CIP2A: variants seen among roughly 807,000 people sequenced by gnomAD.
CIP2A encodes protein CIP2A.
In CIP2A, 103 loss-of-function variants were observed where a neutral mutation model predicts 110.9. The ratio of observed to expected loss-of-function variants is 0.93; its 90% CI spans 0.79 to 1.09. The LOEUF (loss-of-function observed/expected upper bound fraction) is 1.09, where lower values mean the gene tolerates loss of function less well. Ranked by LOEUF, CIP2A falls within the 50% of genes least tolerant of loss-of-function variation. The pLI is 0.00. For missense variants in CIP2A, 1,088 were observed against 1,038.4 expected (o/e 1.05, Z -0.66); for synonymous variants, 381 against 361.6 (o/e 1.05, Z -0.61).
chr3:108,577,200 G>C (rs1198556716), intron 7 of CIP2A, among the ~76,000 whole-genome samples: 3 of 152,172 alleles, frequency 2.0e-5, no homozygotes, highest in African/African-American at 4.8e-5. Flanking sequence ...ATAAGGTTGA[G>C]AGGTTGTTAG....
At chr3:108,569,643 C>T in intron 8 of CIP2A, 36 bp from the exon 9 acceptor site, 1 of 1,479,574 alleles carries the variant, frequency 6.8e-7, no homozygotes, top group Non-Finnish European at 9.4e-7. Flanking sequence ...ACATCAATTT[C>T]ACAGAACTTT....
intron 12 of CIP2A, 22 bp from the exon 13 acceptor site, chr3:108,563,266 A>G: frequency 2.9e-6 from 4 of 1,378,244 alleles, no homozygotes; most frequent in Non-Finnish European, 3.1e-6. Context: ...AGAAACCAAA[A>G]AAGAAGCAGC....
chr3:108,582,853 G>A (rs908325569), intron 3 of CIP2A, 124 bp downstream of exon 3: 6 of 445,776 alleles, frequency 1.3e-5, no homozygotes, highest in African/African-American at 8.1e-5. Context: ...GAGATGAACT[G>A]TGCCTAATCA....
Position 108,579,385 on chromosome 3 carries a change from T to C in CIP2A, c.714A>G (p.Ile238Met), listed in dbSNP as rs758387131. 14 of 1,607,688 alleles carry C rather than the reference T, an allele frequency of 8.7e-6. No homozygotes were observed. The highest frequency in any genetic ancestry group is 1.3e-5 in the African/African-American group (1 of 74,884). The change falls in exon 7 of 21, where the codon ATA (isoleucine) becomes ATG (methionine). Residue 238 changes from isoleucine to methionine, a missense_variant. Transcript: ENST00000295746. The part of the protein sequence containing the change: ...ARNIHQTFQL[I>M]FNILINGDGT... ...CATCACCGTTTATGAGAATATTAAA[T>C]ATTAGTTGAAAAGTCTGATGAATGT...
chr3:108,581,298 C>T (rs890131913), intron 5 of CIP2A, 117 bp downstream of exon 5: 4 of 701,052 alleles, frequency 5.7e-6, no homozygotes, highest in Non-Finnish European at 9.5e-6. Context: ...ATGGGTCATC[C>T]GATAAGACAC....
intron 5 of CIP2A, among the ~76,000 whole-genome samples, chr3:108,580,262 C>T (rs1299135705): frequency 2.6e-5 from 4 of 152,184 alleles, no homozygotes; most frequent in African/African-American, 9.7e-5. Flanking sequence ...GAGATCACTG[C>T]ATGTGTGAGC....
At position 108,551,956 on chromosome 3, in the gene CIP2A, A is replaced by G. The variant is rs527403351; in HGVS notation, c.2547+278T>C. The stretch of plus-strand genomic sequence containing the variant: ...TTGTTAAAGTGAAAATTATACAGCT[A>G]CCTATATATGACATCAAGTACTGGT... On this transcript the variant is annotated intron_variant, in intron 20 of 20. Transcript: ENST00000295746. 3.9e-5 allele frequency among the ~76,000 whole-genome samples: 6 copies of G among 152,294 alleles called. No individual in the cohort carries two copies. In the East Asian group the frequency reaches 1.2e-3, roughly 29 times the overall value.
At chr3:108,552,757 C>A (rs1404691659) in intron 19 of CIP2A, among the ~76,000 whole-genome samples, 1 of 152,134 alleles carries the variant, frequency 6.6e-6, no homozygotes, top group Non-Finnish European at 1.5e-5. Flanking sequence ...CCTGCTGTTA[C>A]GTTCCTTCAA....
chr3:108,587,008 C>T (rs996108458), intron 1 of CIP2A, among the ~76,000 whole-genome samples: 1 of 152,016 alleles, frequency 6.6e-6, no homozygotes, highest in Non-Finnish European at 1.5e-5. Context: ...TACTGTCAAC[C>T]AAAATGGTTA....
chr3:108,579,451 T>TATTAGACAAAAAATTAAGTTGACACC, intron 6 of CIP2A, 25 bp from the exon 7 acceptor site: 1 of 1,582,856 alleles, frequency 6.3e-7, no homozygotes, highest in Non-Finnish European at 8.6e-7. Flanking sequence ...AGAAAAAGCA[T>TATTAGACAAAAAATTAAGTTGACACC]ATTAGACAAA....
In CIP2A at chr3:108,579,261, T is replaced by C. The variant is rs78023488; in HGVS notation, c.818+20A>G. 0.078 allele frequency: 122,258 copies of C among 1,574,020 alleles called. 5,356 individuals carry two copies. The highest frequency in any genetic ancestry group is 0.088 in the Non-Finnish European group (102,171 of 1,155,506). On this transcript the variant is annotated intron_variant, in intron 7 of 20. Coordinates refer to ENST00000295746, the MANE Select transcript of CIP2A (RefSeq NM_020890.3). Reference sequence around the variant, plus strand: ...GTTTAAAAATAAAAAAGTTCTAAAATTGACTGAAGTGAGTCATACCTGGTG... The same window carrying C: ...GTTTAAAAATAAAAAAGTTCTAAAACTGACTGAAGTGAGTCATACCTGGTG...
intron 12 of CIP2A, 81 bp from the exon 13 acceptor site, chr3:108,563,325 T>C (rs896525097): frequency 7.6e-6 from 6 of 793,048 alleles, no homozygotes; most frequent in African/African-American, 6.9e-5. Context: ...TGAGTAAATA[T>C]ATGTAAATCT....
intron 7 of CIP2A, among the ~76,000 whole-genome samples, chr3:108,578,484 T>C (rs1273961378): frequency 1.4e-5 from 2 of 142,442 alleles, no homozygotes; most frequent in Non-Finnish European, 3.1e-5. Flanking sequence ...AAGTTTGCCC[T>C]AGTGCTTAGC....
intron 11 of CIP2A, among the ~76,000 whole-genome samples, 182 bp from the exon 12 acceptor site, chr3:108,565,636 A>C (rs947681726): frequency 6.6e-6 from 1 of 151,808 alleles, no homozygotes; most frequent in Non-Finnish European, 1.5e-5. Flanking sequence ...TCAAGATCCA[A>C]AGAGAACAAA....
At chr3:108,556,337 T>A (rs1243589740) in intron 17 of CIP2A, among the ~76,000 whole-genome samples, 1 of 152,144 alleles carries the variant, frequency 6.6e-6, no homozygotes, top group Non-Finnish European at 1.5e-5. Flanking sequence ...TTTACTTTTA[T>A]GGGTTGGTAG....
At position 108,554,408 on chromosome 3, in the gene CIP2A, C is replaced by G. The variant is rs1937710879; in HGVS notation, c.2292G>C (p.Lys764Asn). 4.5e-6 allele frequency: 7 copies of G among 1,551,468 alleles called. No homozygotes were observed. Among genetic ancestry groups the G allele is most frequent in the Middle Eastern group, 1.8e-4 (1 of 5,532 alleles). The change falls in exon 18 of 21, where the codon AAG becomes AAC. Residue 764 changes from lysine to asparagine, a missense_variant. Transcript: ENST00000295746. ...SLNKQIETVK[K>N]LNESLKEQNE... The stretch of plus-strand genomic sequence containing the variant: ...TTTGTTCCTTGAGTGACTCATTCAA[C>G]TTTTTCACTGTCTCAATTTGTTTAT...
chr3:108,561,326 CAAAAT>C, intron 13 of CIP2A, among the ~76,000 whole-genome samples: 1 of 152,182 alleles, frequency 6.6e-6, no homozygotes, highest in Middle Eastern at 3.4e-3. Flanking sequence ...TACCACAAAA[CAAAAT>C]ATTTTTTTCA....
At chr3:108,583,295 T>C (rs1938944310) in intron 2 of CIP2A, among the ~76,000 whole-genome samples, 1 of 152,182 alleles carries the variant, frequency 6.6e-6, no homozygotes, top group Non-Finnish European at 1.5e-5. Context: ...TGTTTACACA[T>C]TTGTAGCAAG....
In CIP2A at chr3:108,589,399, G is replaced by A. The variant is rs751593016; in HGVS notation, c.-24C>T. The A allele has an allele frequency of 1.9e-6, 3 of 1,564,116 alleles. No individual in the cohort carries two copies. Among genetic ancestry groups the A allele is most frequent in the African/African-American group, 1.4e-5 (1 of 73,692 alleles). ...ATTGCACCGGCCGCGGCCCGGCTTA[G>A]GGACCACCACCGCCCAGCGTGCGCC... On this transcript the variant is annotated 5_prime_UTR_variant, in exon 1 of 21. Coordinates refer to ENST00000295746, the MANE Select transcript of CIP2A (RefSeq NM_020890.3).
Sources: allele counts gnomAD v4.1 joint callset (sites outside exome capture counted in the v4.1 genomes callset), GRCh38; gene constraint gnomAD v4.1.1; transcripts MANE v1.5; gene names NCBI Gene and HGNC (gene_info 2026-07-23, HGNC 2026-07-21).